Variants in MTHFD1L observed in about 807,000 individuals in gnomAD.
The protein encoded by MTHFD1L is monofunctional C1-tetrahydrofolate synthase, mitochondrial.
A neutral mutation model predicts 119.5 loss-of-function variants in MTHFD1L; 81 were observed. The observed-to-expected ratio is 0.68, with a 90% confidence interval of 0.57 to 0.82. MTHFD1L has a LOEUF of 0.82. MTHFD1L is among the 40% of genes least tolerant of loss of function. MTHFD1L has a pLI of 0.00. For synonymous variants in MTHFD1L, 430 were observed against 475.2 expected (o/e 0.90, Z 1.24); for missense variants, 1,125 against 1,253.4 (o/e 0.90, Z 1.55).
At position 150,919,429 on chromosome 6, in the gene MTHFD1L, C is replaced by T. The variant is rs190455510; in HGVS notation, c.984+761C>T. Among the ~76,000 whole-genome samples, 244 of 152,068 alleles carry T rather than the reference C, an allele frequency of 1.6e-3. 1 individual carries two copies. The highest frequency in any genetic ancestry group is 5.5e-3 in the African/African-American group (230 of 41,494). ...TAGTAGAGACAGGGTTTCACCATGTCGGCCAGGCTGGTCTCAAACTCCTGG... is the reference window on the plus strand; with the variant it reads ...TAGTAGAGACAGGGTTTCACCATGTTGGCCAGGCTGGTCTCAAACTCCTGG... On this transcript the variant is annotated intron_variant, in intron 9 of 27. Transcript: ENST00000367321.
intron 26 of MTHFD1L, among the ~76,000 whole-genome samples, chr6:151,064,660 A>C (rs1262965082): frequency 6.6e-6 from 1 of 152,174 alleles, no homozygotes; most frequent in Non-Finnish European, 1.5e-5. Flanking sequence ...CCCACAACTT[A>C]CTGAAGGTTG....
chr6:150,882,944 C>T, intron 5 of MTHFD1L, 58 bp downstream of exon 5: 19 of 1,430,248 alleles, frequency 1.3e-5, no homozygotes, highest in Non-Finnish European at 1.7e-5. Context: ...TTCTATTGTG[C>T]CTGCTTTTAT....
At chr6:150,973,449 C>T (rs1462155782) in intron 20 of MTHFD1L, among the ~76,000 whole-genome samples, 1 of 152,134 alleles carries the variant, frequency 6.6e-6, no homozygotes, top group Non-Finnish European at 1.5e-5. Context: ...CAATTGATCG[C>T]TGCCTAATTG....
chr6:150,885,743 C>A lies in MTHFD1L; in HGVS notation c.643+9C>A. On this transcript the variant is annotated intron_variant, in intron 6 of 27. Transcript: ENST00000367321. ...ACTTCTTGAAAAATCAGGTAGGATGCTCCTTGAGAAATGCCGCTGATTTCT... is the reference window on the plus strand; with the variant it reads ...ACTTCTTGAAAAATCAGGTAGGATGATCCTTGAGAAATGCCGCTGATTTCT... 1 of 1,593,318 alleles carries A rather than the reference C, an allele frequency of 6.3e-7. No individual in the cohort carries two copies. The highest frequency in any genetic ancestry group is 8.6e-7 in the Non-Finnish European group (1 of 1,161,706).
intron 20 of MTHFD1L, among the ~76,000 whole-genome samples, chr6:150,992,104 T>C (rs952600957): frequency 2.0e-5 from 3 of 152,184 alleles, no homozygotes; most frequent in African/African-American, 7.2e-5. Flanking sequence ...AGATAAGTCA[T>C]ACCACTTTTC....
At chr6:151,089,558 G>A (rs1295839202) in intron 26 of MTHFD1L, among the ~76,000 whole-genome samples, 6 of 152,322 alleles carry the variant, frequency 3.9e-5, no homozygotes, top group South Asian at 2.1e-4. Context: ...AGCCGAGATC[G>A]TGCCACTGCA....
At chr6:151,041,180 G>A (rs1438099602) in intron 26 of MTHFD1L, among the ~76,000 whole-genome samples, 4 of 152,214 alleles carry the variant, frequency 2.6e-5, no homozygotes, top group Admixed American at 6.5e-5. Flanking sequence ...CACTGGAGGC[G>A]GTGGCCCTAG....
chr6:150,880,012 A>G (rs1243298295), intron 4 of MTHFD1L, among the ~76,000 whole-genome samples: 3 of 152,150 alleles, frequency 2.0e-5, no homozygotes, highest in Admixed American at 2.0e-4. Context: ...TGTGGGGTAC[A>G]GTGTGGTGTT....
chr6:150,995,737 A>T lies in MTHFD1L; in HGVS notation c.2126-14082A>T, dbSNP rs562587459. Reference sequence around the variant, plus strand: ...GCTGGAGTGCAGTGGTGCAATCTCGACTCACCGCAACCTCCGCCTCCCAGG... The same window carrying T: ...GCTGGAGTGCAGTGGTGCAATCTCGTCTCACCGCAACCTCCGCCTCCCAGG... On this transcript the variant is annotated intron_variant, in intron 20 of 27. Coordinates refer to ENST00000367321, the MANE Select transcript of MTHFD1L (RefSeq NM_015440.5). Among the ~76,000 whole-genome samples, 26 of 151,158 alleles carry T rather than the reference A, an allele frequency of 1.7e-4. 1 individual carries two copies. The East Asian group carries it at 3.8e-3, about 22-fold the overall frequency.
chr6:150,948,925 A>C (rs878917073), intron 15 of MTHFD1L, 106 bp from the exon 16 acceptor site: 2 of 981,434 alleles, frequency 2.0e-6, no homozygotes, highest in East Asian at 5.3e-5. Flanking sequence ...GTTTTTTAAA[A>C]GGCTTTACCA....
At position 150,922,185 on chromosome 6, in the gene MTHFD1L, C is replaced by T. The variant is rs1789069701; in HGVS notation, c.985-20C>T. ...AGCTTTTACCATTCTAACATGTTTTCCCCTCTATCCCTGCTGAAGAACATG... is the reference window on the plus strand; with the variant it reads ...AGCTTTTACCATTCTAACATGTTTTTCCCTCTATCCCTGCTGAAGAACATG... On this transcript the variant is annotated intron_variant, in intron 9 of 27. Coordinates refer to ENST00000367321, the MANE Select transcript of MTHFD1L (RefSeq NM_015440.5). 2 of 1,585,330 alleles carry T rather than the reference C, an allele frequency of 1.3e-6. No homozygotes were observed. Among genetic ancestry groups the T allele is most frequent in the Admixed American group, 1.7e-5 (1 of 59,892 alleles).
chr6:150,934,220 G>A (rs541713132), intron 11 of MTHFD1L, among the ~76,000 whole-genome samples: 4 of 152,252 alleles, frequency 2.6e-5, no homozygotes, highest in Admixed American at 6.5e-5. Context: ...TCAAGTGAGC[G>A]TACAAATAAT....
rs1254959724 is a variant in MTHFD1L at position 151,013,696 on chromosome 6, G to A, written c.2266-83G>A. ...AGAGGTACATTTCTAAAAATTGAAT[G>A]TGATTATGTTGTTCTTTCTTTCAGA... is the stretch of plus-strand genomic sequence containing the variant. On this transcript the variant is annotated intron_variant, in intron 21 of 27. Transcript: ENST00000367321. The A allele has an allele frequency of 4.8e-6, 6 of 1,248,976 alleles. No individual in the cohort carries two copies. In the Admixed American group the frequency reaches 1.1e-4, roughly 24 times the overall value. The allele number at this position is 1,248,976 out of a possible 1,614,324, so 77.4% of individuals were successfully genotyped here. A position where few individuals can be genotyped will look rare whatever the true frequency, so the allele number is the denominator to read the frequency against.
At chr6:150,960,102 A>T (rs953715742) in intron 17 of MTHFD1L, among the ~76,000 whole-genome samples, 173 bp from the exon 18 acceptor site, 1 of 152,240 alleles carries the variant, frequency 6.6e-6, no homozygotes, top group African/African-American at 2.4e-5. Context: ...AGCACCAGGC[A>T]CAAACCCTGC....
intron 1 of MTHFD1L, among the ~76,000 whole-genome samples, chr6:150,870,195 T>G (rs56386906): frequency 0.073 from 11,121 of 152,308 alleles, 450 homozygotes; most frequent in Non-Finnish European, 0.085. Context: ...TCCTTCCCAC[T>G]GTCCTCAACC....
intron 11 of MTHFD1L, among the ~76,000 whole-genome samples, chr6:150,927,133 G>A (rs186293877): frequency 6.6e-6 from 1 of 152,254 alleles, no homozygotes; most frequent in African/African-American, 2.4e-5. Flanking sequence ...AATTATTAAT[G>A]TAAGTGCTTT....
chr6:151,099,695 A>G (rs557440209), intron 27 of MTHFD1L: 36 of 1,608,626 alleles, frequency 2.2e-5, no homozygotes, highest in African/African-American at 2.7e-5. Context: ...TTGATGCCCA[A>G]CACTGGTTAT....
chr6:151,029,947 A>G (rs1294871876), intron 24 of MTHFD1L, among the ~76,000 whole-genome samples: 1 of 152,264 alleles, frequency 6.6e-6, no homozygotes, highest in Non-Finnish European at 1.5e-5. Context: ...TCTTGAGTTC[A>G]GTAAAGAATG....
chr6:150,953,030 C>T lies in MTHFD1L; in HGVS notation c.1727-2965C>T, dbSNP rs1795073133. ...CGAGCCCCGGGGCCTCACAGGCTTG[C>T]CGTCTCTCCATCTCCCTCGCATGCC... On this transcript the variant is annotated intron_variant, in intron 16 of 27. Transcript: ENST00000367321. Among the ~76,000 whole-genome samples, 3 of 152,282 alleles carry T rather than the reference C, an allele frequency of 2.0e-5. No individual in the cohort carries two copies. The South Asian group carries it at 6.2e-4, about 32-fold the overall frequency.
Sources: gnomAD v4.1 joint callset for allele counts (sites outside exome capture counted in the v4.1 genomes callset) on GRCh38, gnomAD v4.1.1 for gene constraint, MANE v1.5 for transcripts, NCBI Gene and HGNC (gene_info 2026-07-23, HGNC 2026-07-21) for gene names.